SKAP2: variants seen among roughly 807,000 people sequenced by gnomAD.
SKAP2 encodes src kinase-associated phosphoprotein 2.
SKAP2 carries 28 observed loss-of-function variants against 54.9 expected under a neutral mutation model. The observed-to-expected ratio is 0.51, with a 90% CI of 0.38 to 0.70. The LOEUF (loss-of-function observed/expected upper bound fraction) is 0.70, where lower values mean the gene tolerates loss of function less well. SKAP2 is among the 30% of genes least tolerant of loss of function. The probability of loss-of-function intolerance (pLI) is 0.00; values close to 1 mark genes in which losing one functional copy is unlikely to be tolerated. For synonymous variants in SKAP2, 137 were observed against 134.3 expected (o/e 1.02, Z -0.14); for missense variants, 356 against 424.1 (o/e 0.84, Z 1.41).
intron 11 of SKAP2, among the ~76,000 whole-genome samples, chr7:26,677,303 A>G (rs1344004030): frequency 6.6e-6 from 1 of 151,690 alleles, no homozygotes; most frequent in Non-Finnish European, 1.5e-5. Flanking sequence ...GAGGCAGGAG[A>G]AATGCTTGAA....
At position 26,817,947 on chromosome 7, in the gene SKAP2, C is replaced by G. The variant is rs1232698904; in HGVS notation, c.307+26083G>C. On this transcript the variant is annotated intron_variant, in intron 4 of 12. Transcript: ENST00000345317. Reference sequence around the variant, plus strand: ...TCAAGGAAATAAGAGAGAACACAAACAGATGGAAAAACATTCCATGCTCAT... The same window carrying G: ...TCAAGGAAATAAGAGAGAACACAAAGAGATGGAAAAACATTCCATGCTCAT... Among the ~76,000 whole-genome samples the G allele has an allele frequency of 5.3e-5, 8 of 152,114 alleles. No individual in the cohort carries two copies. In the South Asian group the frequency reaches 6.2e-4, roughly 12 times the overall value.
intron 4 of SKAP2, among the ~76,000 whole-genome samples, chr7:26,744,469 A>T (rs1489931718): frequency 1.3e-5 from 2 of 152,122 alleles, no homozygotes; most frequent in Admixed American, 1.3e-4. Context: ...TCAGAAGACA[A>T]GGCCTAGAAC....
chr7:26,675,100 G>A (rs770306499), intron 11 of SKAP2, among the ~76,000 whole-genome samples: 2 of 152,106 alleles, frequency 1.3e-5, no homozygotes, highest in African/African-American at 4.8e-5. Context: ...ACCTTGCCCT[G>A]GATTACTGCA....
chr7:26,799,080 C>T (rs1040946608), intron 4 of SKAP2, among the ~76,000 whole-genome samples: 10 of 149,110 alleles, frequency 6.7e-5, no homozygotes, highest in Admixed American at 2.0e-4. Context: ...CAGGGCAAGG[C>T]AAGGCAGGGC....
chr7:26,796,408 G>T (rs1475229188), intron 4 of SKAP2, among the ~76,000 whole-genome samples: 1 of 152,180 alleles, frequency 6.6e-6, no homozygotes, highest in Admixed American at 6.5e-5. Context: ...AGTAAAAAGT[G>T]ATCTCTTGTG....
At chr7:26,761,703 G>A (rs1001412200) in intron 4 of SKAP2, among the ~76,000 whole-genome samples, 20 of 152,078 alleles carry the variant, frequency 1.3e-4, no homozygotes, top group African/African-American at 4.3e-4. Flanking sequence ...GTTTGAGACC[G>A]GCCTGGGCAA....
intron 6 of SKAP2, among the ~76,000 whole-genome samples, chr7:26,733,472 A>G (rs558289898): frequency 6.6e-6 from 1 of 152,216 alleles, no homozygotes; most frequent in East Asian, 1.9e-4. Flanking sequence ...TTACAAAACA[A>G]CAGAACTTTT....
At chr7:26,717,597 G>A (rs1220816647) in intron 9 of SKAP2, among the ~76,000 whole-genome samples, 1 of 146,100 alleles carries the variant, frequency 6.8e-6, no homozygotes, top group Non-Finnish European at 1.5e-5. Context: ...AGGCCAAGGT[G>A]GGCGAATCAC....
At chr7:26,692,713 A>C (rs1314323514) in intron 9 of SKAP2, among the ~76,000 whole-genome samples, 2 of 152,222 alleles carry the variant, frequency 1.3e-5, no homozygotes, top group Non-Finnish European at 2.9e-5. Context: ...CTTTTTAACA[A>C]TAGTTATCTC....
chr7:26,805,281 C>T (rs1784002346), intron 4 of SKAP2, among the ~76,000 whole-genome samples: 1 of 152,086 alleles, frequency 6.6e-6, no homozygotes, highest in Admixed American at 6.5e-5. Flanking sequence ...AGTTGTATAC[C>T]ATAATTTTTG....
Position 26,826,461 on chromosome 7 carries a change from T to G in SKAP2, c.307+17569A>C, listed in dbSNP as rs553445321. ...ATAAACTTCCCTTTCTGCTTTGTGC[T>G]TAAGCCAGTTTGAGTTGGGTTTCTT... On this transcript the variant is annotated intron_variant, in intron 4 of 12. Coordinates refer to ENST00000345317, the MANE Select transcript of SKAP2 (RefSeq NM_003930.5). 2.6e-5 allele frequency among the ~76,000 whole-genome samples: 4 copies of G among 152,336 alleles called. 1 individual carries two copies. In the South Asian group the frequency reaches 8.3e-4, roughly 32 times the overall value.
chr7:26,726,890 T>C lies in SKAP2; in HGVS notation c.586A>G (p.Ile196Val), dbSNP rs771812040. 1.2e-6 allele frequency: 2 copies of C among 1,606,706 alleles called. No individual in the cohort carries two copies. The highest frequency in any genetic ancestry group is 1.7e-6 in the Non-Finnish European group (2 of 1,176,898). ...CFEISAPDKR[I>V]YQFTAASPKD... Reference sequence around the variant, plus strand: ...AACATAAAAACTACAACCTGATATATACGTTTATCAGGAGCAGAGATTTCA... The same window carrying C: ...AACATAAAAACTACAACCTGATATACACGTTTATCAGGAGCAGAGATTTCA... The change falls in exon 7 of 13, where the codon ATA (isoleucine) becomes GTA (valine). Residue 196 changes from isoleucine to valine, a missense_variant. Coordinates refer to ENST00000345317, the MANE Select transcript of SKAP2 (RefSeq NM_003930.5).
chr7:26,729,147 T>C, intron 6 of SKAP2, among the ~76,000 whole-genome samples: 1 of 152,158 alleles, frequency 6.6e-6, no homozygotes, highest in South Asian at 2.1e-4. Flanking sequence ...AGATTCATTT[T>C]AGCCAAACCC....
intron 4 of SKAP2, among the ~76,000 whole-genome samples, chr7:26,787,003 A>T (rs1185436109): frequency 1.3e-5 from 2 of 152,214 alleles, no homozygotes; most frequent in African/African-American, 2.4e-5. Context: ...ACAAAAAAAT[A>T]AAGTTAAAGT....
At chr7:26,766,018 G>C (rs1214677615) in intron 4 of SKAP2, among the ~76,000 whole-genome samples, 2 of 152,110 alleles carry the variant, frequency 1.3e-5, no homozygotes, top group Non-Finnish European at 1.5e-5. Flanking sequence ...AAAGTCAATG[G>C]TAGCTTGATG....
the SKAP2 span, among the ~76,000 whole-genome samples, chr7:26,657,882 T>G: frequency 0.054 from 8,256 of 152,170 alleles, 428 homozygotes; most frequent in East Asian, 0.3. Flanking sequence ...TGATTTGGTG[T>G]TGTTTTTGTT....
At chr7:26,851,966 C>A (rs1203658395) in intron 3 of SKAP2, among the ~76,000 whole-genome samples, 1 of 151,956 alleles carries the variant, frequency 6.6e-6, no homozygotes, top group Non-Finnish European at 1.5e-5. Context: ...CAAAATGATA[C>A]TTAACTGTCA....
chr7:26,756,691 A>G (rs554015333), intron 4 of SKAP2, among the ~76,000 whole-genome samples: 3 of 152,204 alleles, frequency 2.0e-5, no homozygotes, highest in Non-Finnish European at 4.4e-5. Context: ...TTGGGTATAT[A>G]CCCAGTAATG....
At chr7:26,778,360 A>C (rs1226350874) in intron 4 of SKAP2, among the ~76,000 whole-genome samples, 1 of 152,088 alleles carries the variant, frequency 6.6e-6, no homozygotes, top group Non-Finnish European at 1.5e-5. Flanking sequence ...GAAATAATTT[A>C]TATAAAGTAC....
Sources: allele counts gnomAD v4.1 joint callset (sites outside exome capture counted in the v4.1 genomes callset), GRCh38; gene constraint gnomAD v4.1.1; transcripts MANE v1.5; gene names NCBI Gene and HGNC (gene_info 2026-07-23, HGNC 2026-07-21).